The following SNX6 variants were observed in gnomAD, a reference collection of about 807,000 sequenced individuals.
SNX6 encodes the protein sorting nexin 6, also known as sorting nexin-6.
A neutral mutation model predicts 63.0 loss-of-function variants in SNX6; 34 were observed. The observed-to-expected ratio is 0.54, with a 90% CI of 0.41 to 0.72. The LOEUF is 0.72. Among genes scored for constraint, SNX6 ranks in the 30% least tolerant of loss-of-function variants. The pLI, the probability that SNX6 is intolerant of heterozygous loss-of-function variation, is 0.00. For missense variants in SNX6, 398 were observed against 471.4 expected, an observed-to-expected ratio of 0.84 and a Z score of 1.44; for synonymous variants, 170 against 164.2, an observed-to-expected ratio of 1.04 and a Z score of -0.27.
At chr14:34,609,503 A>T in intron 3 of SNX6, 135 bp downstream of exon 3, 1 of 476,276 alleles carries the variant, frequency 2.1e-6, no homozygotes, top group South Asian at 3.8e-5. Flanking sequence ...AAAAAAAAAA[A>T]AGTACATTTT....
chr14:34,573,881 T>C (rs753300800), intron 11 of SNX6, among the ~76,000 whole-genome samples: 7 of 151,736 alleles, frequency 4.6e-5, no homozygotes, highest in Non-Finnish European at 8.8e-5. Context: ...GACCTTGTGA[T>C]CCACCCTCCT....
At chr14:34,625,741 T>A (rs1055075873) in intron 2 of SNX6, among the ~76,000 whole-genome samples, 18 of 151,330 alleles carry the variant, frequency 1.2e-4, no homozygotes, top group Non-Finnish European at 2.1e-4. Context: ...TCAAAAAAAA[T>A]TTAAAAAAAA....
intron 9 of SNX6, among the ~76,000 whole-genome samples, chr14:34,581,954 G>C (rs535624022): frequency 6.6e-6 from 1 of 151,942 alleles, no homozygotes; most frequent in East Asian, 1.9e-4. Context: ...TCAGCCTCCC[G>C]AATAGCTGGG....
chr14:34,585,283 G>A (rs1882108245), intron 9 of SNX6, among the ~76,000 whole-genome samples: 1 of 152,100 alleles, frequency 6.6e-6, no homozygotes, highest in Non-Finnish European at 1.5e-5. Flanking sequence ...ACTTTGGGAG[G>A]CTGAGTCGGG....
At position 34,590,942 on chromosome 14, in the gene SNX6, AG is replaced by A. The variant is rs557229020; in HGVS notation, c.718+2102del. 1.1e-4 allele frequency among the ~76,000 whole-genome samples: 17 copies of A among 152,340 alleles called. No individual in the cohort carries two copies. The South Asian group carries it at 3.5e-3, about 32-fold the overall frequency. On this transcript the variant is annotated intron_variant, in intron 8 of 13. Coordinates refer to ENST00000362031, the MANE Select transcript of SNX6 (RefSeq NM_152233.4). ...CAACAACTTGGATGAATCTCAAAATAGTTTTTTGAGTTTCAAAGCCAGACAA... is the reference window on the plus strand; with the variant it reads ...CAACAACTTGGATGAATCTCAAAATATTTTTTGAGTTTCAAAGCCAGACAA...
chr14:34,572,111 T>C (rs924462308), intron 11 of SNX6, among the ~76,000 whole-genome samples: 2 of 152,128 alleles, frequency 1.3e-5, no homozygotes, highest in Non-Finnish European at 2.9e-5. Context: ...ATATTAACAG[T>C]ATATGATGGT....
At chr14:34,627,573 T>A (rs1883879061) in intron 2 of SNX6, among the ~76,000 whole-genome samples, 1 of 152,008 alleles carries the variant, frequency 6.6e-6, no homozygotes, top group African/African-American at 2.4e-5. Context: ...ACCTCCCAGG[T>A]TCCAGTGAAT....
intron 10 of SNX6, among the ~76,000 whole-genome samples, chr14:34,576,573 C>T (rs958056943): frequency 6.6e-6 from 1 of 151,600 alleles, no homozygotes; most frequent in African/African-American, 2.4e-5. Flanking sequence ...CGCAGCCTCC[C>T]GAGTAGCTGG....
At position 34,606,174 on chromosome 14, in the gene SNX6, C is replaced by CA. The variant is rs946424153; in HGVS notation, c.271-458dup. ...GGGTGATAGAGGAAGACCCTGTCTC[C>CA]AAAAAAAAAAAGTTATCTAATCTTT... is the stretch of plus-strand genomic sequence containing the variant. On this transcript the variant is annotated intron_variant, in intron 4 of 13. Coordinates refer to ENST00000362031, the MANE Select transcript of SNX6 (RefSeq NM_152233.4). 6.2e-4 allele frequency among the ~76,000 whole-genome samples: 80 copies of CA among 129,220 alleles called. 1 individual carries two copies. The highest frequency in any genetic ancestry group is 3.8e-3 in the Middle Eastern group (1 of 266). 84.8% of individuals were successfully genotyped at this position (129,220 alleles called of 152,430 possible). A position where few individuals can be genotyped will look rare whatever the true frequency, so the allele number is the denominator to read the frequency against.
chr14:34,591,087 A>G (rs925347413), intron 8 of SNX6, among the ~76,000 whole-genome samples: 5 of 152,132 alleles, frequency 3.3e-5, no homozygotes, highest in Non-Finnish European at 7.3e-5. Flanking sequence ...GAGAGATTTC[A>G]AAGGGCCACA....
intron 13 of SNX6, among the ~76,000 whole-genome samples, chr14:34,566,357 C>T (rs780899044): frequency 1.1e-4 from 16 of 152,242 alleles, no homozygotes; most frequent in Admixed American, 2.6e-4. Context: ...GGATTACAGG[C>T]GCCCACCACC....
At chr14:34,588,415 T>A (rs1594716824) in intron 8 of SNX6, among the ~76,000 whole-genome samples, 1 of 152,044 alleles carries the variant, frequency 6.6e-6, no homozygotes, top group Non-Finnish European at 1.5e-5. Context: ...TGAGCCAACA[T>A]ACCCGGCCTA....
At chr14:34,604,064 A>T in intron 5 of SNX6, 1 of 1,119,332 alleles carries the variant, frequency 8.9e-7, no homozygotes, top group Non-Finnish European at 1.1e-6. Context: ...GGAAAAAAAA[A>T]AAAAAACATT....
At chr14:34,571,572 G>A (rs1298695365) in intron 11 of SNX6, among the ~76,000 whole-genome samples, 1 of 152,162 alleles carries the variant, frequency 6.6e-6, no homozygotes, top group East Asian at 1.9e-4. Flanking sequence ...AAACTATGGA[G>A]ACAGTAAAAA....
intron 11 of SNX6, among the ~76,000 whole-genome samples, chr14:34,572,118 T>C (rs1881475871): frequency 6.6e-6 from 1 of 152,210 alleles, no homozygotes; most frequent in Non-Finnish European, 1.5e-5. Context: ...CAGTATATGA[T>C]GGTTTAAGTT....
intron 2 of SNX6, among the ~76,000 whole-genome samples, chr14:34,626,075 A>T (rs1443581635): frequency 1.3e-5 from 2 of 152,156 alleles, no homozygotes; most frequent in Admixed American, 1.3e-4. Flanking sequence ...GGGATACTAA[A>T]GGCTTTAGAG....
At chr14:34,602,184 G>A (rs1882841596) in intron 6 of SNX6, among the ~76,000 whole-genome samples, 1 of 151,894 alleles carries the variant, frequency 6.6e-6, no homozygotes, top group Non-Finnish European at 1.5e-5. Context: ...CCAGCACTTT[G>A]GGAGGCTAAG....
At chr14:34,590,144 T>C (rs1303388732) in intron 8 of SNX6, among the ~76,000 whole-genome samples, 1 of 151,428 alleles carries the variant, frequency 6.6e-6, no homozygotes, top group Non-Finnish European at 1.5e-5. Context: ...AGAATAAAGC[T>C]GGGGCCAGGA....
At position 34,578,620 on chromosome 14, in the gene SNX6, A is replaced by T. The variant is rs112571648; in HGVS notation, c.835-2778T>A. 7.1e-3 allele frequency among the ~76,000 whole-genome samples: 828 copies of T among 117,418 alleles called. 10 individuals carry two copies. The highest frequency in any genetic ancestry group is 0.025 in the African/African-American group (768 of 30,830). The allele number at this position is 117,418 out of a possible 152,430, so 77.0% of individuals were successfully genotyped here. On this transcript the variant is annotated intron_variant, in intron 10 of 13. Coordinates refer to ENST00000362031, the MANE Select transcript of SNX6 (RefSeq NM_152233.4). Reference sequence around the variant, plus strand: ...ATTCCAGCCTGGGTGACAGAGTGAGATCTGTCTCAAAAAGAAAAAAAAAAA... The same window carrying T: ...ATTCCAGCCTGGGTGACAGAGTGAGTTCTGTCTCAAAAAGAAAAAAAAAAA...
Sources: allele counts gnomAD v4.1 joint callset (sites outside exome capture counted in the v4.1 genomes callset), GRCh38; gene constraint gnomAD v4.1.1; transcripts MANE v1.5; gene names NCBI Gene and HGNC (gene_info 2026-07-23, HGNC 2026-07-21).